The following PTPRN2 variants were observed in gnomAD, a reference collection of about 807,000 sequenced individuals.
PTPRN2 encodes the protein protein tyrosine phosphatase receptor type N2.
Under a neutral mutation model 118.8 loss-of-function variants are expected in PTPRN2, and 74 were observed. The observed-to-expected ratio is 0.62, with a 90% CI of 0.52 to 0.76. The LOEUF is 0.76. Ranked by LOEUF, PTPRN2 falls within the 30% of genes least tolerant of loss-of-function variation. The pLI is 0.00. For synonymous variants in PTPRN2, 641 were observed against 608.0 expected (o/e 1.05, Z -0.80); for missense variants, 1,481 against 1,394.4 (o/e 1.06, Z -0.99).
At chr7:158,124,781 G>C (rs909068946) in intron 9 of PTPRN2, among the ~76,000 whole-genome samples, 8 of 152,182 alleles carry the variant, frequency 5.3e-5, no homozygotes, top group Non-Finnish European at 1.0e-4. Context: ...GGTCAGCCTG[G>C]GCCACGCTGG....
At chr7:157,832,797 T>C (rs1445355156) in intron 12 of PTPRN2, among the ~76,000 whole-genome samples, 1 of 152,236 alleles carries the variant, frequency 6.6e-6, no homozygotes, top group African/African-American at 2.4e-5. Context: ...GGAGCAGTTC[T>C]CTTCCTTCTA....
rs79456693 is a variant in PTPRN2, at chr7:157,793,498, G to A, written c.1788+105175C>T. Among the ~76,000 whole-genome samples, 1,119 of 152,070 alleles carry A rather than the reference G, an allele frequency of 7.4e-3. 22 individuals carry two copies. The highest frequency in any genetic ancestry group is 0.025 in the African/African-American group (1,034 of 41,488). ...AGGATCTGAGGGGCCTCCAGGGCCC[G>A]TGGCTTCACCCTGGGGTGGGGGCAA... On this transcript the variant is annotated intron_variant, in intron 12 of 22. Transcript: ENST00000389418.
chr7:157,810,493 A>G (rs1375424982), intron 12 of PTPRN2, among the ~76,000 whole-genome samples: 1 of 136,926 alleles, frequency 7.3e-6, no homozygotes, highest in Non-Finnish European at 1.5e-5. Flanking sequence ...TGCTGGGCAC[A>G]GGGTCTCCAT....
At chr7:158,442,053 T>TGATGGTGATGGCAGTGGTGGC (rs1817360526) in intron 2 of PTPRN2, among the ~76,000 whole-genome samples, 1 of 151,194 alleles carries the variant, frequency 6.6e-6, no homozygotes, top group Non-Finnish European at 1.5e-5. Context: ...ACAGTGGTGG[T>TGATGGTGATGGCAGTGGTGGC]GATGGTGATG....
intron 2 of PTPRN2, among the ~76,000 whole-genome samples, chr7:158,318,482 G>A (rs1482877068): frequency 6.6e-6 from 1 of 152,198 alleles, no homozygotes; most frequent in African/African-American, 2.4e-5. Context: ...GAGGGAGTGA[G>A]CCACGGGCCA....
chr7:158,422,143 G>T (rs544269048), intron 2 of PTPRN2, among the ~76,000 whole-genome samples: 2 of 152,162 alleles, frequency 1.3e-5, no homozygotes, highest in Non-Finnish European at 2.9e-5. Context: ...TTAATTTTAC[G>T]AGCTGACTGA....
chr7:158,341,120 C>CTA, intron 2 of PTPRN2, among the ~76,000 whole-genome samples: 1 of 21,616 alleles, frequency 4.6e-5, no homozygotes, highest in African/African-American at 1.6e-4. Context: ...CACACCCACA[C>CTA]GTCACTCACA....
At position 157,653,236 on chromosome 7, in the gene PTPRN2, C is replaced by T. The variant is rs540666768; in HGVS notation, c.2196+3121G>A. Among the ~76,000 whole-genome samples the T allele has an allele frequency of 3.9e-5, 6 of 152,268 alleles. No homozygotes were observed. In the East Asian group the frequency reaches 1.2e-3, roughly 29 times the overall value. On this transcript the variant is annotated intron_variant, in intron 14 of 22. Transcript: ENST00000389418. ...TGGGGTTCAGATGCCACGTTTTGTCCAACGTGCCCCAGGAGTGGCTGCATG... is the reference window on the plus strand; with the variant it reads ...TGGGGTTCAGATGCCACGTTTTGTCTAACGTGCCCCAGGAGTGGCTGCATG...
At chr7:157,573,257 C>T (rs981688577) in intron 19 of PTPRN2, among the ~76,000 whole-genome samples, 3 of 152,224 alleles carry the variant, frequency 2.0e-5, no homozygotes, top group Non-Finnish European at 2.9e-5. Context: ...CACGTGTGCA[C>T]GTGTAGAATC....
At chr7:158,067,771 G>C (rs918735535) in intron 11 of PTPRN2, among the ~76,000 whole-genome samples, 1 of 152,078 alleles carries the variant, frequency 6.6e-6, no homozygotes, top group Admixed American at 6.5e-5. Flanking sequence ...AGCACACCGG[G>C]TCAGGCCGGG....
intron 12 of PTPRN2, among the ~76,000 whole-genome samples, chr7:157,762,077 TA>T (rs1250938638): frequency 2.0e-5 from 3 of 151,910 alleles, no homozygotes; most frequent in Non-Finnish European, 4.4e-5. Context: ...TGGCAATCAT[TA>T]AAAAGTCAGG....
At chr7:157,888,114 G>T (rs1208838754) in intron 12 of PTPRN2, among the ~76,000 whole-genome samples, 1 of 151,766 alleles carries the variant, frequency 6.6e-6, no homozygotes, top group Non-Finnish European at 1.5e-5. Flanking sequence ...TTGGGCTCAC[G>T]GACGGTCTGA....
intron 1 of PTPRN2, among the ~76,000 whole-genome samples, chr7:158,549,357 G>A (rs1377577760): frequency 6.6e-6 from 1 of 152,190 alleles, no homozygotes; most frequent in Non-Finnish European, 1.5e-5. Context: ...CTCCTCTGGC[G>A]AGCTTTGTGT....
intron 12 of PTPRN2, among the ~76,000 whole-genome samples, chr7:157,814,841 G>C (rs1806291521): frequency 6.6e-6 from 1 of 152,182 alleles, no homozygotes. Context: ...CAGGCAGCCT[G>C]TTTCAGGTGT....
At chr7:158,545,955 C>G (rs1359483456) in intron 1 of PTPRN2, among the ~76,000 whole-genome samples, 1 of 152,244 alleles carries the variant, frequency 6.6e-6, no homozygotes, top group Non-Finnish European at 1.5e-5. Context: ...GCCGAAATTA[C>G]GCCACTGCAT....
At chr7:157,815,110 C>T (rs1251198508) in intron 12 of PTPRN2, among the ~76,000 whole-genome samples, 2 of 152,226 alleles carry the variant, frequency 1.3e-5, no homozygotes, top group African/African-American at 4.8e-5. Context: ...AAGCAGGCTC[C>T]GGCTGCTGGG....
chr7:158,078,739 G>A (rs137897382), intron 11 of PTPRN2, among the ~76,000 whole-genome samples: 13 of 152,316 alleles, frequency 8.5e-5, no homozygotes, highest in Non-Finnish European at 1.3e-4. Flanking sequence ...CGTGCTAAGC[G>A]CTCTCCTGAG....
At chr7:158,337,363 TCACACC>T (rs1805831357) in intron 2 of PTPRN2, among the ~76,000 whole-genome samples, 2 of 90,548 alleles carry the variant, frequency 2.2e-5, no homozygotes, top group Non-Finnish European at 5.1e-5. Context: ...CAGACGTCCC[TCACACC>T]CACACTCTCA....
intron 12 of PTPRN2, among the ~76,000 whole-genome samples, chr7:157,792,513 G>A (rs902863382): frequency 1.2e-4 from 19 of 152,366 alleles, no homozygotes; most frequent in African/African-American, 3.8e-4. Flanking sequence ...GTTTTCGGGG[G>A]TGGGGATCCC....
Sources: allele counts gnomAD v4.1 joint callset (sites outside exome capture counted in the v4.1 genomes callset), GRCh38; gene constraint gnomAD v4.1.1; transcripts MANE v1.5; gene names NCBI Gene and HGNC (gene_info 2026-07-23, HGNC 2026-07-21).